Variants in MUC6 observed in about 807,000 individuals in gnomAD.
The protein encoded by MUC6 is mucin 6, oligomeric mucus/gel-forming (gene/pseudogene).
Under a neutral mutation model 201.5 loss-of-function variants are expected in MUC6, and 188 were observed. The observed-to-expected ratio is 0.93, with a 90% CI of 0.83 to 1.05. The LOEUF (loss-of-function observed/expected upper bound fraction) is 1.05. MUC6 is among the 50% of genes least tolerant of loss of function. The probability of loss-of-function intolerance (pLI) is 0.00; values close to 1 mark genes in which losing one functional copy is unlikely to be tolerated. For missense variants in MUC6, 2,706 were observed against 3,256.9 expected, an observed-to-expected ratio of 0.83 and a Z score of 4.12; for synonymous variants, 1,228 against 1,389.4, an observed-to-expected ratio of 0.88 and a Z score of 2.58.
At chr11:1,020,552 G>T in intron 28 of MUC6, 132 bp downstream of exon 28, 2 of 1,357,420 alleles carry the variant, frequency 1.5e-6, no homozygotes, top group Non-Finnish European at 2.1e-6. Flanking sequence ...CTGATTGCCA[G>T]GTTAGACCTG....
At position 1,030,940 on chromosome 11, in the gene MUC6, T is replaced by G. The variant is rs755855540; in HGVS notation, c.684+7A>C. On this transcript the variant is annotated splice_region_variant and intron_variant, in intron 6 of 32. Transcript: ENST00000421673. ...GGGTCAGCCCCACCTGGAGCCCCCT[T>G]GCTTACGTGCTGGGCCTGCCGGACG... is the stretch of plus-strand genomic sequence containing the variant. The G allele has an allele frequency of 8.3e-6, 13 of 1,563,246 alleles. No individual in the cohort carries two copies. The highest frequency in any genetic ancestry group is 9.5e-6 in the Non-Finnish European group (11 of 1,154,400).
intron 29 of MUC6, chr11:1,019,847 C>T: frequency 1.5e-6 from 1 of 678,280 alleles, no homozygotes; most frequent in East Asian, 2.7e-5. Context: ...CCTGCAGGTC[C>T]CACACGGTTT....
At chr11:1,034,499 G>A (rs1451865486) in intron 1 of MUC6, among the ~76,000 whole-genome samples, 1 of 152,150 alleles carries the variant, frequency 6.6e-6, no homozygotes, top group Non-Finnish European at 1.5e-5. Flanking sequence ...TGCTGCAGGA[G>A]TGCGCAGCAC....
intron 7 of MUC6, 31 bp from the exon 8 acceptor site, chr11:1,030,366 T>TGCCACCCCCCCCCCCCCCCCCCCCC: frequency 1.3e-6 from 2 of 1,489,592 alleles, no homozygotes; most frequent in Non-Finnish European, 1.8e-6. Context: ...GGTGAGAGGG[T>TGCCACCCCCCCCCCCCCCCCCCCCC]CCCACCCCCC....
chr11:1,016,125 G>A lies in MUC6; in HGVS notation c.6676C>T (p.Leu2226Phe). ...GACACGGTAACAGTGGATATGGGGA[G>A]TAGAGCAGAGAGGGTGAAAGGAGAG... is the stretch of plus-strand genomic sequence containing the variant. ...ISSPFTLSAL[L>F]PISTVTVSPT... The change falls in exon 31 of 33, where the codon CTC (leucine) becomes TTC (phenylalanine). Residue 2226 changes from leucine (L) to phenylalanine (F), a missense_variant. Leu to Phe is a conservative substitution (Grantham distance 22). This residue lies in a region of MUC6 where 586 missense variants were observed against 488.0 expected (regional missense o/e 1.20). Coordinates refer to ENST00000421673, the MANE Select transcript of MUC6 (RefSeq NM_005961.3). 1.9e-6 allele frequency: 3 copies of A among 1,613,776 alleles called. No homozygotes were observed. In the South Asian group the frequency reaches 3.3e-5, roughly 18 times the overall value.
At chr11:1,015,722 G>T (rs770953714) in intron 31 of MUC6, 40 bp downstream of exon 31, 7 of 1,516,006 alleles carry the variant, frequency 4.6e-6, no homozygotes, top group Non-Finnish European at 6.2e-6. Context: ...CATGAGCACA[G>T]AGGTGAGGCC....
Position 1,032,057 on chromosome 11 carries a change from C to G in MUC6, c.116-4G>C. The G allele has an allele frequency of 1.9e-6, 3 of 1,612,766 alleles. No individual in the cohort carries two copies. Among genetic ancestry groups the G allele is most frequent in the South Asian group, 2.2e-5 (2 of 91,064 alleles). On this transcript the variant is annotated splice_polypyrimidine_tract_variant and splice_region_variant and intron_variant, in intron 2 of 32. Transcript: ENST00000421673. ...GAGCACTGGCCTTTGTCCGGGGCTA[C>G]AGAGAGAGCAGTGCTCACACAGCCC...
At position 1,017,890 on chromosome 11, in the gene MUC6, T is replaced by C; in HGVS notation, c.4911A>G (p.Ala1637=). 6.2e-7 allele frequency: 1 copy of C among 1,614,148 alleles called. No individual in the cohort carries two copies. Residue 1637 remains alanine, a synonymous_variant, in exon 31 of 33, where the codon GCA becomes GCG. Transcript: ENST00000421673. ...STHTVITPTH[A]QMATSASIHS... is the part of the protein sequence containing the mutation. The stretch of plus-strand genomic sequence containing the variant: ...GGATGGAGGCAGAAGTGGCCATCTG[T>C]GCATGGGTAGGGGTGATGACTGTGT...
In MUC6 at chr11:1,013,527, C is replaced by T; in HGVS notation, c.7249G>A (p.Gly2417Ser). The T allele has an allele frequency of 6.3e-7, 1 of 1,582,430 alleles. No homozygotes were observed. The highest frequency in any genetic ancestry group is 8.6e-7 in the Non-Finnish European group (1 of 1,165,692). Residue 2417 changes from glycine (G) to serine (S), a missense_variant, in exon 33 of 33, where the codon GGC becomes AGC. By Grantham distance (56) the Gly-to-Ser change is moderately conservative. Transcript: ENST00000421673. ...TGCAGGGTGAGTACGAGCCGCCGGC[C>T]AGGCGTGCTGGGATCGGGGCAGGGC... ...ELPCPDPSTP[G>S]RRLVLTLQVF...
rs533634967 is a variant in MUC6, at chr11:1,020,668, G to A, written c.3640+16C>T. On this transcript the variant is annotated intron_variant, in intron 28 of 32. Transcript: ENST00000421673. ...AGGGCCTGCGTCACCTTGGCACCTA[G>A]TGTGCGTGCAATTACCTGTGGTGGG... The A allele has an allele frequency of 5.6e-6, 9 of 1,613,722 alleles. No homozygotes were observed. The African/African-American group carries it at 1.1e-4, about 19-fold the overall frequency.
In MUC6 at chr11:1,018,166, A is replaced by T; in HGVS notation, c.4635T>A (p.Ile1545=). The part of the protein sequence containing the change: ...PEVTPTSTTT[I]TPNPTSTRTR... Reference sequence around the variant, plus strand: ...TGCGTGTACTAGTGGGGTTGGGAGTAATCGTGGTAGTAGAAGTTGGGGTGA... The same window carrying T: ...TGCGTGTACTAGTGGGGTTGGGAGTTATCGTGGTAGTAGAAGTTGGGGTGA... Residue 1545 remains isoleucine, a synonymous_variant, in exon 31 of 33, where the codon ATT becomes ATA. Coordinates refer to ENST00000421673, the MANE Select transcript of MUC6 (RefSeq NM_005961.3). 3.1e-6 allele frequency: 4 copies of T among 1,283,110 alleles called. No individual in the cohort carries two copies. Among genetic ancestry groups the T allele is most frequent in the African/African-American group, 2.1e-5 (1 of 46,696 alleles). The allele number at this position is 1,283,110 out of a possible 1,614,324, so 79.5% of individuals were successfully genotyped here.
In MUC6 at chr11:1,020,862, GGGAGCCCACC is replaced by G. The variant is rs1419202601; in HGVS notation, c.3590-138_3590-129del. ...TGTGGTGGAGGGGACTGGAGGGGCTGGGAGCCCACCCTCCCCTCTCTCCCTTTCTCCTTCC... is the reference window on the plus strand; with the variant it reads ...TGTGGTGGAGGGGACTGGAGGGGCTGCTCCCCTCTCTCCCTTTCTCCTTCC... On this transcript the variant is annotated intron_variant, in intron 27 of 32. Coordinates refer to ENST00000421673, the MANE Select transcript of MUC6 (RefSeq NM_005961.3). 4 of 1,216,418 alleles carry G rather than the reference GGGAGCCCACC, an allele frequency of 3.3e-6. No individual in the cohort carries two copies. The African/African-American group carries it at 6.1e-5, about 19-fold the overall frequency. The allele number at this position is 1,216,418 out of a possible 1,614,324, so 75.4% of individuals were successfully genotyped here.
Position 1,031,713 on chromosome 11 carries a change from G to C in MUC6, c.377C>G (p.Thr126Ser). Reference protein sequence around the residue: ...KDIGVISLPYTSNGLQITPFG... With the variant: ...KDIGVISLPYSSNGLQITPFG... ...GGGTGTGATCTGGAGTCCATTGCTG[G>C]TATAGGGCAGGCTGATGACCCTGTG... The change falls in exon 4 of 33, where the codon ACC (threonine) becomes AGC (serine). Residue 126 changes from threonine to serine, a missense_variant. Physicochemically the swap from Thr to Ser is moderately conservative, Grantham distance 58. This residue lies in a region of MUC6 where 1,850 missense variants were observed against 1,958.3 expected (regional missense o/e 0.94). Coordinates refer to ENST00000421673, the MANE Select transcript of MUC6 (RefSeq NM_005961.3). 6.4e-7 allele frequency: 1 copy of C among 1,550,784 alleles called. No individual in the cohort carries two copies. The highest frequency in any genetic ancestry group is 8.7e-7 in the Non-Finnish European group (1 of 1,147,004).
At chr11:1,034,888 T>C (rs1198796168) in intron 1 of MUC6, among the ~76,000 whole-genome samples, 2 of 152,232 alleles carry the variant, frequency 1.3e-5, no homozygotes, top group African/African-American at 2.4e-5. Flanking sequence ...CCGAGTCCAC[T>C]GGCTCCAAGT....
At chr11:1,029,018 G>T in intron 11 of MUC6, 28 bp downstream of exon 11, 1 of 1,612,762 alleles carries the variant, frequency 6.2e-7, no homozygotes, top group East Asian at 2.2e-5. Flanking sequence ...AGCCCTGCTG[G>T]CAGGGATGGG....
In MUC6 at chr11:1,014,049, G is replaced by A. The variant is rs201681946; in HGVS notation, c.7040-48C>T. 22 of 1,501,798 alleles carry A rather than the reference G, an allele frequency of 1.5e-5. No homozygotes were observed. The Middle Eastern group carries it at 8.5e-4, about 58-fold the overall frequency. 93.0% of individuals were successfully genotyped at this position (1,501,798 alleles called of 1,614,324 possible). A position where few individuals can be genotyped will look rare whatever the true frequency, so the allele number is the denominator to read the frequency against. On this transcript the variant is annotated intron_variant, in intron 31 of 32. Coordinates refer to ENST00000421673, the MANE Select transcript of MUC6 (RefSeq NM_005961.3). Reference sequence around the variant, plus strand: ...GCAGCGCCCAGGGTGGGCATGGAGCGAGGAGGGAGGGAAACCCTGGCTAGA... The same window carrying A: ...GCAGCGCCCAGGGTGGGCATGGAGCAAGGAGGGAGGGAAACCCTGGCTAGA...
Position 1,033,658 on chromosome 11 carries a change from C to T in MUC6, c.53-583G>A, listed in dbSNP as rs573567719. On this transcript the variant is annotated intron_variant, in intron 1 of 32. Coordinates refer to ENST00000421673, the MANE Select transcript of MUC6 (RefSeq NM_005961.3). The surrounding 1 kb of genome is among the most constrained non-coding windows in gnomAD (Gnocchi z 5.6). ...GAGAAACATCCAGATAGCCCAGTCA[C>T]GGTGACTCCAGGGCAGGGCAGCGGG... is the stretch of plus-strand genomic sequence containing the variant. Among the ~76,000 whole-genome samples the T allele has an allele frequency of 1.8e-3, 281 of 152,236 alleles. No individual in the cohort carries two copies. The highest frequency in any genetic ancestry group is 6.5e-3 in the African/African-American group (268 of 41,548).
At chr11:1,023,132 CGTGAATGTGCGTGA>C (rs1233190045) in intron 26 of MUC6, among the ~76,000 whole-genome samples, 4 of 144,964 alleles carry the variant, frequency 2.8e-5, no homozygotes, top group South Asian at 2.3e-4. Context: ...CATGAGTGTG[CGTGAATGTGCGTGA>C]GTGAATGTGC....
intron 2 of MUC6, 83 bp from the exon 3 acceptor site, chr11:1,032,136 G>T (rs1330505378): frequency 1.3e-6 from 2 of 1,535,638 alleles, no homozygotes; most frequent in African/African-American, 2.7e-5. Flanking sequence ...GAGGTCACTC[G>T]TCTCCCTGGG....
Sources: allele counts gnomAD v4.1 joint callset (sites outside exome capture counted in the v4.1 genomes callset), GRCh38; gene constraint gnomAD v4.1.1; regional missense constraint gnomAD v4.1.1; non-coding constraint Gnocchi (gnomAD v3.1); transcripts MANE v1.5; gene names NCBI Gene and HGNC (gene_info 2026-07-23, HGNC 2026-07-21).